GSK3B: variants seen among roughly 807,000 people sequenced by gnomAD.
GSK3B encodes glycogen synthase kinase-3 beta.
Under a neutral mutation model 56.4 loss-of-function variants are expected in GSK3B, and 15 were observed. The ratio of observed to expected loss-of-function variants is 0.27; its 90% CI spans 0.18 to 0.41. The LOEUF (loss-of-function observed/expected upper bound fraction) is 0.41. GSK3B is among the 10% of genes least tolerant of loss of function. The pLI is 1.00. For synonymous variants in GSK3B, 181 were observed against 188.9 expected, an observed-to-expected ratio of 0.96 and a Z score of 0.34; for missense variants, 300 against 513.4, an observed-to-expected ratio of 0.58 and a Z score of 4.02.
chr3:119,850,718 G>C (rs980434310), intron 9 of GSK3B, among the ~76,000 whole-genome samples: 2 of 152,146 alleles, frequency 1.3e-5, no homozygotes, highest in Non-Finnish European at 2.9e-5. Flanking sequence ...TATTTTGGAG[G>C]ATAGAAACAG....
At chr3:119,979,266 C>T (rs2057438238) in intron 2 of GSK3B, among the ~76,000 whole-genome samples, 1 of 152,194 alleles carries the variant, frequency 6.6e-6, no homozygotes, top group Non-Finnish European at 1.5e-5. Context: ...CCTTAAATCC[C>T]AACCCTACCT....
At chr3:119,970,613 TAAAAA>T (rs1170925404) in intron 2 of GSK3B, among the ~76,000 whole-genome samples, 1 of 114,288 alleles carries the variant, frequency 8.7e-6, no homozygotes, top group Non-Finnish European at 1.8e-5. Flanking sequence ...CTACTAAAAT[TAAAAA>T]AAAAAAAAAA....
intron 3 of GSK3B, among the ~76,000 whole-genome samples, chr3:119,924,285 G>A (rs1308931936): frequency 6.6e-6 from 1 of 152,214 alleles, no homozygotes; most frequent in Non-Finnish European, 1.5e-5. Flanking sequence ...CCAGTATCAG[G>A]TAAATTGAAG....
chr3:120,035,435 T>C (rs1413096945), intron 1 of GSK3B, among the ~76,000 whole-genome samples: 1 of 152,240 alleles, frequency 6.6e-6, no homozygotes, highest in African/African-American at 2.4e-5. Flanking sequence ...CGGAAACTAA[T>C]ACAGGATCCC....
chr3:120,081,797 A>G (rs570557490), intron 1 of GSK3B, among the ~76,000 whole-genome samples: 1 of 152,348 alleles, frequency 6.6e-6, no homozygotes, highest in East Asian at 1.9e-4. Flanking sequence ...ATGATCTCCT[A>G]CGGAGAAACA....
intron 3 of GSK3B, among the ~76,000 whole-genome samples, chr3:119,928,114 G>C (rs1438232318): frequency 6.6e-6 from 1 of 152,200 alleles, no homozygotes; most frequent in Non-Finnish European, 1.5e-5. Context: ...GGCAGATGAG[G>C]AATAGGAGGT....
intron 3 of GSK3B, among the ~76,000 whole-genome samples, chr3:119,945,373 AC>A (rs1033936750): frequency 3.9e-5 from 6 of 152,198 alleles, no homozygotes; most frequent in Non-Finnish European, 8.8e-5. Flanking sequence ...TAGGTCTATT[AC>A]TTTTTATAAT....
At chr3:119,857,749 A>G (rs556135243) in intron 9 of GSK3B, among the ~76,000 whole-genome samples, 87 of 152,326 alleles carry the variant, frequency 5.7e-4, no homozygotes, top group African/African-American at 2.0e-3. Context: ...GAAGGTTTTC[A>G]GTTTACTTTT....
rs188698800 is a variant in GSK3B at position 119,900,650 on chromosome 3, C to T, written c.813+5105G>A. Among the ~76,000 whole-genome samples the T allele has an allele frequency of 7.2e-4, 109 of 152,172 alleles. No individual in the cohort carries two copies. In the East Asian group the frequency reaches 0.016, roughly 22 times the overall value. The stretch of plus-strand genomic sequence containing the variant: ...GTAAGAAAGTTAATAATCAAACTTA[C>T]GAAAACCAATACATCATGTAAACTT... On this transcript the variant is annotated intron_variant, in intron 7 of 10. Transcript: ENST00000264235.
chr3:119,837,321 ATTTT>A (rs58821918), intron 10 of GSK3B, among the ~76,000 whole-genome samples: 2 of 130,256 alleles, frequency 1.5e-5, no homozygotes, highest in Admixed American at 7.8e-5. Flanking sequence ...CGCCCGGCTA[ATTTT>A]TTTTTTTTTT....
intron 1 of GSK3B, among the ~76,000 whole-genome samples, chr3:120,041,734 C>T (rs1274625702): frequency 6.6e-6 from 1 of 152,156 alleles, no homozygotes; most frequent in Non-Finnish European, 1.5e-5. Flanking sequence ...TTAGGAGAAA[C>T]TCACTTCAGG....
At chr3:120,019,370 G>A (rs2057853943) in intron 1 of GSK3B, among the ~76,000 whole-genome samples, 1 of 152,068 alleles carries the variant, frequency 6.6e-6, no homozygotes, top group African/African-American at 2.4e-5. Flanking sequence ...ACCAGCATAA[G>A]GATTGCTAAC....
chr3:119,865,883 C>A (rs973898993), intron 8 of GSK3B, among the ~76,000 whole-genome samples: 1 of 152,092 alleles, frequency 6.6e-6, no homozygotes, highest in African/African-American at 2.4e-5. Context: ...GGAATCCTAA[C>A]TCATAAAGTT....
At chr3:119,983,819 T>C (rs758155421) in intron 2 of GSK3B, among the ~76,000 whole-genome samples, 4 of 152,188 alleles carry the variant, frequency 2.6e-5, no homozygotes, top group Non-Finnish European at 4.4e-5. Context: ...TTAACAAGCA[T>C]ATCCAGGACC....
At chr3:119,865,382 T>G (rs2056162586) in intron 8 of GSK3B, among the ~76,000 whole-genome samples, 1 of 145,592 alleles carries the variant, frequency 6.9e-6, no homozygotes, top group South Asian at 2.2e-4. Flanking sequence ...TTTCTTATTT[T>G]CAAAGATTTT....
At chr3:120,007,945 C>A (rs2057743684) in intron 1 of GSK3B, among the ~76,000 whole-genome samples, 1 of 152,126 alleles carries the variant, frequency 6.6e-6, no homozygotes, top group Admixed American at 6.5e-5. Flanking sequence ...AAGCATAAAG[C>A]ATATTCAAAT....
intron 3 of GSK3B, among the ~76,000 whole-genome samples, chr3:119,945,494 A>T (rs888672468): frequency 2.6e-5 from 4 of 152,164 alleles, no homozygotes; most frequent in Non-Finnish European, 5.9e-5. Flanking sequence ...TCTGGGGCAT[A>T]CAGATAAGAG....
rs528800240 is a variant in GSK3B at position 119,960,990 on chromosome 3, G to C, written c.283-13639C>G. ...AAAATAACACCCCTACTGACAAAAA[G>C]AGATACGTTAATACATATCAATACA... On this transcript the variant is annotated intron_variant, in intron 2 of 10. Transcript: ENST00000264235. Among the ~76,000 whole-genome samples the C allele has an allele frequency of 4.6e-5, 7 of 152,156 alleles. No homozygotes were observed. The East Asian group carries it at 1.4e-3, about 29-fold the overall frequency.
At chr3:119,939,319 G>A (rs192634874) in intron 3 of GSK3B, among the ~76,000 whole-genome samples, 8 of 152,080 alleles carry the variant, frequency 5.3e-5, no homozygotes, top group Non-Finnish European at 1.0e-4. Flanking sequence ...GTAAGGTCAC[G>A]ATATAGATGT....
Sources: allele counts gnomAD v4.1 joint callset (sites outside exome capture counted in the v4.1 genomes callset), GRCh38; gene constraint gnomAD v4.1.1; transcripts MANE v1.5; gene names NCBI Gene and HGNC (gene_info 2026-07-23, HGNC 2026-07-21).